RBFOX1: variants seen among roughly 807,000 people sequenced by gnomAD.
The protein encoded by RBFOX1 is RNA binding protein fox-1 homolog 1.
Under a neutral mutation model 57.7 loss-of-function variants are expected in RBFOX1, and 8 were observed. The observed-to-expected ratio is 0.14, with a 90% CI of 0.08 to 0.25. The LOEUF (loss-of-function observed/expected upper bound fraction) is 0.25, where lower values mean the gene tolerates loss of function less well. RBFOX1 is among the 10% of genes least tolerant of loss of function. The probability of loss-of-function intolerance (pLI) is 1.00; values close to 1 mark genes in which losing one functional copy is unlikely to be tolerated. For synonymous variants in RBFOX1, 326 were observed against 222.4 expected, an observed-to-expected ratio of 1.47 and a Z score of -4.15; for missense variants, 611 against 548.5, an observed-to-expected ratio of 1.11 and a Z score of -1.14.
At chr16:7,268,772 G>A (rs369438684) in intron 4 of RBFOX1, among the ~76,000 whole-genome samples, 3 of 151,972 alleles carry the variant, frequency 2.0e-5, no homozygotes, top group African/African-American at 4.8e-5. Flanking sequence ...AGTGGCTCAC[G>A]CCTGTAATCA....
chr16:6,955,082 A>T (rs9923042), intron 3 of RBFOX1, among the ~76,000 whole-genome samples: 2 of 145,882 alleles, frequency 1.4e-5, no homozygotes, highest in Admixed American at 6.8e-5. Flanking sequence ...AAAAAAAAAC[A>T]CACAAAAAAT....
intron 1 of RBFOX1, among the ~76,000 whole-genome samples, chr16:5,364,529 C>G (rs770387694): frequency 7.2e-5 from 11 of 152,218 alleles, no homozygotes; most frequent in Non-Finnish European, 8.8e-5. Flanking sequence ...TAGGGACGTC[C>G]TTCTATGTTT....
intron 4 of RBFOX1, among the ~76,000 whole-genome samples, chr16:5,932,380 C>G (rs1236816771): frequency 1.3e-5 from 2 of 152,168 alleles, no homozygotes; most frequent in Non-Finnish European, 2.9e-5. Flanking sequence ...CTGCATTTTT[C>G]CAACAACGGG....
intron 3 of RBFOX1, among the ~76,000 whole-genome samples, chr16:6,762,139 G>T (rs1331875975): frequency 6.6e-6 from 1 of 152,070 alleles, no homozygotes; most frequent in Non-Finnish European, 1.5e-5. Flanking sequence ...TGCTACCTCT[G>T]TCTTCTCCTC....
At chr16:5,992,024 C>G (rs1353406805) in intron 4 of RBFOX1, among the ~76,000 whole-genome samples, 1 of 152,024 alleles carries the variant, frequency 6.6e-6, no homozygotes, top group Non-Finnish European at 1.5e-5. Flanking sequence ...TGTAAAAATG[C>G]ATATACATTT....
chr16:7,543,968 C>T (rs1299459877), intron 5 of RBFOX1, among the ~76,000 whole-genome samples: 1 of 152,190 alleles, frequency 6.6e-6, no homozygotes, highest in African/African-American at 2.4e-5. Context: ...ACCCACCTGC[C>T]TTGGTTTCCC....
intron 1 of RBFOX1, among the ~76,000 whole-genome samples, chr16:6,260,867 C>G (rs2097697781): frequency 6.6e-6 from 1 of 151,846 alleles, no homozygotes; most frequent in Admixed American, 6.6e-5. Flanking sequence ...GGCAACAGTG[C>G]AAGACCCTGT....
At chr16:6,458,867 C>T (rs2094840695) in intron 2 of RBFOX1, among the ~76,000 whole-genome samples, 1 of 152,174 alleles carries the variant, frequency 6.6e-6, no homozygotes, top group Non-Finnish European at 1.5e-5. Flanking sequence ...TTGTGTTTCC[C>T]AGAATTACTG....
chr16:6,339,418 C>T (rs1339950158), intron 2 of RBFOX1, among the ~76,000 whole-genome samples: 1 of 152,190 alleles, frequency 6.6e-6, no homozygotes, highest in East Asian at 1.9e-4. Context: ...GAACGAGGAG[C>T]AGCAAACATC....
At chr16:5,323,376 T>G (rs1458931409) in intron 1 of RBFOX1, among the ~76,000 whole-genome samples, 1 of 152,208 alleles carries the variant, frequency 6.6e-6, no homozygotes, top group Non-Finnish European at 1.5e-5. Flanking sequence ...ATTGATTTCA[T>G]GACCCATGAA....
intron 3 of RBFOX1, among the ~76,000 whole-genome samples, chr16:5,747,388 G>T (rs541789210): frequency 6.6e-6 from 1 of 152,136 alleles, no homozygotes; most frequent in Non-Finnish European, 1.5e-5. Context: ...TCAGGATGAC[G>T]CTGGCCTCAT....
chr16:5,390,160 G>A (rs917127999), intron 1 of RBFOX1, among the ~76,000 whole-genome samples: 3 of 151,886 alleles, frequency 2.0e-5, no homozygotes, highest in African/African-American at 7.3e-5. Context: ...AGGAAAATTT[G>A]CTCTTGACAA....
At chr16:6,085,091 G>T (rs1382140060) in intron 1 of RBFOX1, among the ~76,000 whole-genome samples, 1 of 152,244 alleles carries the variant, frequency 6.6e-6, no homozygotes, top group African/African-American at 2.4e-5. Flanking sequence ...GAGTGCTGGG[G>T]ACTGGGTGAG....
rs75852469 is a variant in RBFOX1 at position 7,356,269 on chromosome 16, G to A, written c.28-161878G>A. On this transcript the variant is annotated intron_variant, in intron 4 of 15. Transcript: ENST00000550418. ...GGACTTAGATTCTAATGGGCAGGATGGAGGCCCACACAGGCATCATCGTTA... is the reference window on the plus strand; with the variant it reads ...GGACTTAGATTCTAATGGGCAGGATAGAGGCCCACACAGGCATCATCGTTA... Among the ~76,000 whole-genome samples, 698 of 152,266 alleles carry A rather than the reference G, an allele frequency of 4.6e-3. 6 individuals carry two copies. The highest frequency in any genetic ancestry group is 0.016 in the African/African-American group (665 of 41,544).
At chr16:6,683,858 A>C (rs1488798742) in intron 3 of RBFOX1, among the ~76,000 whole-genome samples, 3 of 152,194 alleles carry the variant, frequency 2.0e-5, no homozygotes, top group Non-Finnish European at 4.4e-5. Context: ...AGCCTCAGCA[A>C]AGTGGAAATA....
chr16:6,333,816 T>G (rs535349888), intron 2 of RBFOX1, among the ~76,000 whole-genome samples: 22 of 152,316 alleles, frequency 1.4e-4, no homozygotes, highest in African/African-American at 5.3e-4. Flanking sequence ...GTCAGATTTA[T>G]TTATCAGTTA....
chr16:5,302,619 C>T (rs76608893), intron 1 of RBFOX1, among the ~76,000 whole-genome samples: 1 of 152,176 alleles, frequency 6.6e-6, no homozygotes, highest in Non-Finnish European at 1.5e-5. Context: ...GTACAGCATA[C>T]ATTTTTAGGG....
chr16:6,956,026 G>C (rs2081758449), intron 3 of RBFOX1, among the ~76,000 whole-genome samples: 1 of 152,098 alleles, frequency 6.6e-6, no homozygotes, highest in South Asian at 2.1e-4. Flanking sequence ...TTTGTAATGA[G>C]GGTGAGGACA....
chr16:7,603,020 G>C (rs1239129624), intron 9 of RBFOX1, among the ~76,000 whole-genome samples: 1 of 152,190 alleles, frequency 6.6e-6, no homozygotes. Context: ...AAAAATTCTT[G>C]ACATAAATTA....
Sources: gnomAD v4.1 joint callset for allele counts (sites outside exome capture counted in the v4.1 genomes callset) on GRCh38, gnomAD v4.1.1 for gene constraint, MANE v1.5 for transcripts, NCBI Gene and HGNC (gene_info 2026-07-23, HGNC 2026-07-21) for gene names.